The following COLGALT1 variants were observed in gnomAD, a reference collection of about 807,000 sequenced individuals.
COLGALT1 encodes the protein collagen beta(1-O)galactosyltransferase 1.
In COLGALT1, 43 loss-of-function variants were observed where a neutral mutation model predicts 60.8. The observed-to-expected ratio is 0.71, with a 90% CI of 0.55 to 0.91. COLGALT1 has a LOEUF of 0.91. Ranked by LOEUF, COLGALT1 falls within the 40% of genes least tolerant of loss-of-function variation. COLGALT1 has a pLI of 0.00. For missense variants in COLGALT1, 845 were observed against 880.0 expected, an observed-to-expected ratio of 0.96 and a Z score of 0.50; for synonymous variants, 369 against 374.2, an observed-to-expected ratio of 0.99 and a Z score of 0.16.
Position 17,568,562 on chromosome 19 carries a change from G to T in COLGALT1, c.678G>T (p.Arg226=), listed in dbSNP as rs2076293351. The T allele has an allele frequency of 6.2e-7, 1 of 1,614,188 alleles. No homozygotes were observed. Among genetic ancestry groups the T allele is most frequent in the Non-Finnish European group, 8.5e-7 (1 of 1,180,040 alleles). The part of the protein sequence containing the change: ...AYIPIRKRDR[R]GCFAVPMVHS... ...TCCCTATCCGCAAGCGAGACCGCCG[G>T]GGCTGCTTTGCAGTTCCCATGGTGC... Residue 226 remains arginine, a synonymous_variant, in exon 5 of 12, where the codon CGG becomes CGT. Coordinates refer to ENST00000252599, the MANE Select transcript of COLGALT1 (RefSeq NM_024656.4).
intron 1 of COLGALT1, 129 bp downstream of exon 1, chr19:17,556,102 C>T: frequency 9.3e-7 from 1 of 1,077,566 alleles, no homozygotes; most frequent in Non-Finnish European, 1.2e-6. Context: ...GCTTCCTGCT[C>T]GCTACCCCCA....
chr19:17,557,587 A>G (rs1243037048), intron 1 of COLGALT1, among the ~76,000 whole-genome samples: 1 of 151,932 alleles, frequency 6.6e-6, no homozygotes, highest in Non-Finnish European at 1.5e-5. Context: ...GGCATGAGCC[A>G]CAGCGCCCTG....
At chr19:17,559,085 G>A (rs1028559945) in intron 1 of COLGALT1, among the ~76,000 whole-genome samples, 5 of 152,132 alleles carry the variant, frequency 3.3e-5, no homozygotes, top group East Asian at 1.9e-4. Context: ...GCGTGAACCC[G>A]GGAGGCGGAG....
Position 17,573,511 on chromosome 19 carries a change from G to A in COLGALT1, c.949+909G>A, listed in dbSNP as rs151225799. 2.6e-3 allele frequency among the ~76,000 whole-genome samples: 398 copies of A among 151,774 alleles called. 2 individuals carry two copies. Among genetic ancestry groups the A allele is most frequent in the African/African-American group, 9.3e-3 (383 of 41,396 alleles). On this transcript the variant is annotated intron_variant, in intron 6 of 11. Transcript: ENST00000252599. ...GCCACTGCACTTCAGCCTGGCAACAGAGTGAAACTCCGTCTCAAAAAAAAA... is the reference window on the plus strand; with the variant it reads ...GCCACTGCACTTCAGCCTGGCAACAAAGTGAAACTCCGTCTCAAAAAAAAA...
At chr19:17,573,556 C>T (rs1338761686) in intron 6 of COLGALT1, among the ~76,000 whole-genome samples, 4 of 151,394 alleles carry the variant, frequency 2.6e-5, no homozygotes, top group Admixed American at 6.6e-5. Flanking sequence ...TTAATTAGTC[C>T]GACATGGTGG....
At chr19:17,562,959 A>G (rs936533974) in intron 3 of COLGALT1, among the ~76,000 whole-genome samples, 1 of 152,020 alleles carries the variant, frequency 6.6e-6, no homozygotes, top group African/African-American at 2.4e-5. Flanking sequence ...CGGAGGGGAC[A>G]TCTTGCCTGG....
Position 17,577,429 on chromosome 19 carries a change from G to A in COLGALT1, c.1095G>A (p.Gln365=), listed in dbSNP as rs1363773660. ...GCATGCTGCGGGCGCTGCAGGCACA[G>A]GAGATCGAGTGCCGGCTGGTGGAGG... ...RERMLRALQA[Q]EIECRLVEAV... The change falls in exon 8 of 12, where the codon CAG becomes CAA. Residue 365 remains glutamine (Q), a synonymous_variant. Coordinates refer to ENST00000252599, the MANE Select transcript of COLGALT1 (RefSeq NM_024656.4). 4.6e-5 allele frequency: 71 copies of A among 1,536,430 alleles called. No homozygotes were observed. Among genetic ancestry groups the A allele is most frequent in the Non-Finnish European group, 6.1e-5 (70 of 1,146,812 alleles).
In COLGALT1 at chr19:17,577,282, C is replaced by A. The variant is rs1457902574; in HGVS notation, c.1026+11C>A. 6 of 1,612,868 alleles carry A rather than the reference C, an allele frequency of 3.7e-6. No homozygotes were observed. Among genetic ancestry groups the A allele is most frequent in the Non-Finnish European group, 4.2e-6 (5 of 1,179,582 alleles). On this transcript the variant is annotated intron_variant, in intron 7 of 11. Coordinates refer to ENST00000252599, the MANE Select transcript of COLGALT1 (RefSeq NM_024656.4). The stretch of plus-strand genomic sequence containing the variant: ...ATGGGCTTCGACGAGGTGAGCTGGG[C>A]CTTCCCTGGAGGCGGGGCGGGGGCT...
intron 5 of COLGALT1, 58 bp downstream of exon 5, chr19:17,568,771 C>T: frequency 3.8e-6 from 6 of 1,565,408 alleles, no homozygotes; most frequent in Non-Finnish European, 5.3e-6. Flanking sequence ...TTGGGTTTTG[C>T]ACTAAGCCAG....
Position 17,560,371 on chromosome 19 carries a change from C to G in COLGALT1, c.395C>G (p.Pro132Arg), listed in dbSNP as rs747333426. ...EPRSYPDEEG[P>R]KHWSDSRYEH... is the part of the protein sequence containing the mutation. The stretch of plus-strand genomic sequence containing the variant: ...AGGTCCTACCCGGACGAGGAAGGCC[C>G]GAAACACTGGTCTGACTCACGCTAC... Residue 132 changes from proline (P) to arginine (R), a missense_variant, in exon 3 of 12, where the codon CCG (proline) becomes CGG (arginine). Physicochemically the swap from Pro to Arg is moderately radical, Grantham distance 103. Transcript: ENST00000252599. 3.1e-6 allele frequency: 5 copies of G among 1,614,054 alleles called. No individual in the cohort carries two copies. The highest frequency in any genetic ancestry group is 2.2e-5 in the East Asian group (1 of 44,866).
chr19:17,564,286 CGTGT>C (rs781345675), intron 3 of COLGALT1, among the ~76,000 whole-genome samples: 1 of 147,114 alleles, frequency 6.8e-6, no homozygotes, highest in Non-Finnish European at 1.5e-5. Context: ...TATGTGTGTG[CGTGT>C]GTGTATACAT....
In COLGALT1 at chr19:17,580,532, C is replaced by G. The variant is rs987331146; in HGVS notation, c.1395-167C>G. The G allele has an allele frequency of 4.5e-6, 3 of 662,232 alleles. No homozygotes were observed. The African/African-American group carries it at 5.5e-5, about 12-fold the overall frequency. 41.0% of individuals were successfully genotyped at this position (662,232 alleles called of 1,614,324 possible). A position where few individuals can be genotyped will look rare whatever the true frequency, so the allele number is the denominator to read the frequency against. On this transcript the variant is annotated intron_variant, in intron 10 of 11. Coordinates refer to ENST00000252599, the MANE Select transcript of COLGALT1 (RefSeq NM_024656.4). ...AACTCACTCTTCTCCCCCATGACCGCCAGACCCCTGGGCTCCTGCATTCAC... is the reference window on the plus strand; with the variant it reads ...AACTCACTCTTCTCCCCCATGACCGGCAGACCCCTGGGCTCCTGCATTCAC...
rs2076205445 is a variant in COLGALT1, at chr19:17,555,680, G to T, written c.-34G>T. 8.5e-7 allele frequency: 1 copy of T among 1,177,852 alleles called. No individual in the cohort carries two copies. The highest frequency in any genetic ancestry group is 4.3e-5 in the South Asian group (1 of 23,114). 73.0% of individuals were successfully genotyped at this position (1,177,852 alleles called of 1,614,324 possible). ...TTTAAGGCGCGGCCAGAGTCCTCCC[G>T]CAGAAAAACGACTTAAAGGAGACGC... On this transcript the variant is annotated 5_prime_UTR_variant, in exon 1 of 12. Coordinates refer to ENST00000252599, the MANE Select transcript of COLGALT1 (RefSeq NM_024656.4).
intron 5 of COLGALT1, among the ~76,000 whole-genome samples, chr19:17,571,393 G>A (rs1308226730): frequency 6.7e-6 from 1 of 150,210 alleles, no homozygotes; most frequent in African/African-American, 2.4e-5. Flanking sequence ...GGGCGACAGA[G>A]CGAGACTCTG....
intron 3 of COLGALT1, among the ~76,000 whole-genome samples, chr19:17,562,876 G>A (rs1193311920): frequency 3.9e-5 from 6 of 152,212 alleles, no homozygotes; most frequent in South Asian, 2.1e-4. Flanking sequence ...TAGGGAGGAC[G>A]GATGGAGCTC....
At chr19:17,558,996 TA>T (rs1202747482) in intron 1 of COLGALT1, among the ~76,000 whole-genome samples, 5 of 151,800 alleles carry the variant, frequency 3.3e-5, no homozygotes, top group Non-Finnish European at 7.4e-5. Flanking sequence ...CCGTCTCTAC[TA>T]AAAATACAAA....
intron 1 of COLGALT1, among the ~76,000 whole-genome samples, chr19:17,559,008 A>C (rs1423604669): frequency 6.6e-6 from 1 of 151,964 alleles, no homozygotes; most frequent in Non-Finnish European, 1.5e-5. Context: ...AAAATACAAA[A>C]AAATTAGCCG....
rs2076394014 is a variant in COLGALT1 at position 17,582,961 on chromosome 19, T to A, written c.*1517T>A. The A allele has an allele frequency of 6.6e-6, 1 of 152,408 alleles. No individual in the cohort carries two copies. The highest frequency in any genetic ancestry group is 1.5e-5 in the Non-Finnish European group (1 of 68,228). The allele number at this position is 152,408 out of a possible 1,614,324, so 9.4% of individuals were successfully genotyped here. A position where few individuals can be genotyped will look rare whatever the true frequency, so the allele number is the denominator to read the frequency against. ...TGCTCTGTTCAAGCCTTTGGTGGGA[T>A]CATGTGTTTGGGGGCTTTTAGGGGA... is the stretch of plus-strand genomic sequence containing the variant. On this transcript the variant is annotated 3_prime_UTR_variant, in exon 12 of 12. Transcript: ENST00000252599.
At chr19:17,569,933 C>T (rs930576988) in intron 5 of COLGALT1, among the ~76,000 whole-genome samples, 13 of 123,314 alleles carry the variant, frequency 1.1e-4, no homozygotes, top group African/African-American at 3.7e-4. Context: ...CTCGCTCTGT[C>T]GCCCAGGCTG....
Sources: allele counts gnomAD v4.1 joint callset (sites outside exome capture counted in the v4.1 genomes callset), GRCh38; gene constraint gnomAD v4.1.1; transcripts MANE v1.5; gene names NCBI Gene and HGNC (gene_info 2026-07-23, HGNC 2026-07-21).